The following NAALADL2 variants were observed in gnomAD, a reference collection of about 807,000 sequenced individuals.
The protein encoded by NAALADL2 is N-acetylated alpha-linked acidic dipeptidase like 2.
Under a neutral mutation model 87.2 loss-of-function variants are expected in NAALADL2, and 76 were observed. The observed-to-expected ratio is 0.87, with a 90% CI of 0.72 to 1.05. NAALADL2 has a LOEUF of 1.05. NAALADL2 is among the 50% of genes least tolerant of loss of function. The pLI is 0.00. For synonymous variants in NAALADL2, 354 were observed against 331.0 expected, an observed-to-expected ratio of 1.07 and a Z score of -0.75; for missense variants, 1,089 against 945.8, an observed-to-expected ratio of 1.15 and a Z score of -1.99.
At chr3:175,780,421 T>C (rs1750889363) in intron 13 of NAALADL2, among the ~76,000 whole-genome samples, 1 of 152,156 alleles carries the variant, frequency 6.6e-6, no homozygotes, top group Admixed American at 6.5e-5. Context: ...TATACATGTA[T>C]TTTTACATAA....
chr3:175,762,953 G>A (rs1160052174), intron 13 of NAALADL2, among the ~76,000 whole-genome samples: 1 of 151,994 alleles, frequency 6.6e-6, no homozygotes, highest in African/African-American at 2.4e-5. Flanking sequence ...GCGTGGTGGC[G>A]GGCGCCTGTA....
chr3:175,327,148 CT>C (rs35198621), intron 5 of NAALADL2, among the ~76,000 whole-genome samples: 18,296 of 98,780 alleles, frequency 0.19, 1,263 homozygotes, highest in East Asian at 0.37. Flanking sequence ...GTCTACATTT[CT>C]TTTTTTTTTT....
At chr3:175,233,263 T>TATA (rs1182577389) in intron 2 of NAALADL2, among the ~76,000 whole-genome samples, 6 of 152,164 alleles carry the variant, frequency 3.9e-5, no homozygotes, top group African/African-American at 1.4e-4. Flanking sequence ...TCACCTTAAC[T>TATA]ATAACAAAGA....
intron 2 of NAALADL2, among the ~76,000 whole-genome samples, chr3:174,574,702 C>T (rs1444555137): frequency 6.6e-6 from 1 of 152,008 alleles, no homozygotes; most frequent in Non-Finnish European, 1.5e-5. Flanking sequence ...CTTCTTCAGT[C>T]GATATTCCCT....
At chr3:175,080,167 G>T (rs374261970) in intron 1 of NAALADL2, among the ~76,000 whole-genome samples, 1 of 151,992 alleles carries the variant, frequency 6.6e-6, no homozygotes, top group African/African-American at 2.4e-5. Flanking sequence ...GGTTTTCACC[G>T]TGTTAGCCAG....
intron 1 of NAALADL2, among the ~76,000 whole-genome samples, chr3:175,042,128 T>C (rs1580157758): frequency 6.6e-6 from 1 of 152,222 alleles, no homozygotes; most frequent in East Asian, 1.9e-4. Flanking sequence ...TTGCTTCTGA[T>C]TTAGACTTTT....
At chr3:174,641,535 G>T (rs969531224) in intron 2 of NAALADL2, among the ~76,000 whole-genome samples, 3 of 152,126 alleles carry the variant, frequency 2.0e-5, no homozygotes, top group Admixed American at 1.3e-4. Flanking sequence ...TGCCCTCAAG[G>T]CTGCAAGGAG....
At chr3:174,708,016 C>T (rs1235491425) in intron 2 of NAALADL2, among the ~76,000 whole-genome samples, 3 of 152,072 alleles carry the variant, frequency 2.0e-5, no homozygotes, top group African/African-American at 7.2e-5. Context: ...CTTTCTTTTA[C>T]TTCAATACAA....
At chr3:175,278,653 A>T (rs1753894599) in intron 4 of NAALADL2, among the ~76,000 whole-genome samples, 1 of 152,150 alleles carries the variant, frequency 6.6e-6, no homozygotes, top group South Asian at 2.1e-4. Context: ...ACCAGTTGGC[A>T]TACTTATGTG....
At chr3:174,899,067 A>G (rs1731984966) in intron 1 of NAALADL2, among the ~76,000 whole-genome samples, 1 of 152,210 alleles carries the variant, frequency 6.6e-6, no homozygotes, top group Admixed American at 6.5e-5. Context: ...TTCCTGAAGT[A>G]TCATGAAGTG....
At chr3:175,509,758 A>G (rs1351817105) in intron 9 of NAALADL2, among the ~76,000 whole-genome samples, 1 of 152,186 alleles carries the variant, frequency 6.6e-6, no homozygotes, top group African/African-American at 2.4e-5. Flanking sequence ...GGTTTAATTG[A>G]CCCAGAGTGG....
At chr3:175,457,439 T>C (rs962443457) in intron 6 of NAALADL2, among the ~76,000 whole-genome samples, 12 of 152,126 alleles carry the variant, frequency 7.9e-5, no homozygotes, top group Admixed American at 6.6e-4. Context: ...CCCAAACCAC[T>C]GCTACCTTTA....
intron 13 of NAALADL2, among the ~76,000 whole-genome samples, chr3:175,802,355 G>A (rs1283241025): frequency 2.6e-5 from 4 of 151,256 alleles, no homozygotes; most frequent in Non-Finnish European, 5.9e-5. Flanking sequence ...GCTCTGTTAT[G>A]GATATTTTGT....
chr3:175,510,480 T>A (rs1731007857), intron 9 of NAALADL2, among the ~76,000 whole-genome samples: 1 of 152,172 alleles, frequency 6.6e-6, no homozygotes, highest in Admixed American at 6.5e-5. Flanking sequence ...CATGATTAGA[T>A]CTGCAAGTCT....
At position 175,610,201 on chromosome 3, in the gene NAALADL2, G is replaced by A. The variant is rs11919177; in HGVS notation, c.1801-17090G>A. Among the ~76,000 whole-genome samples, 915 of 152,224 alleles carry A rather than the reference G, an allele frequency of 6.0e-3. 6 individuals carry two copies. The highest frequency in any genetic ancestry group is 0.021 in the African/African-American group (858 of 41,536). Reference sequence around the variant, plus strand: ...AGGAAAACATAGAGGATCACCCTATGTAAGTAGATTTTTCTAGCTTTCTTA... The same window carrying A: ...AGGAAAACATAGAGGATCACCCTATATAAGTAGATTTTTCTAGCTTTCTTA... On this transcript the variant is annotated intron_variant, in intron 10 of 13. Coordinates refer to ENST00000454872, the MANE Select transcript of NAALADL2 (RefSeq NM_207015.3).
chr3:175,327,449 C>A (rs1760877586), intron 5 of NAALADL2, among the ~76,000 whole-genome samples: 1 of 152,172 alleles, frequency 6.6e-6, no homozygotes, highest in Non-Finnish European at 1.5e-5. Flanking sequence ...GCCACCGCAC[C>A]CTGCCTCAAC....
intron 1 of NAALADL2, among the ~76,000 whole-genome samples, chr3:175,025,538 T>A: frequency 6.6e-6 from 1 of 152,270 alleles, no homozygotes; most frequent in Non-Finnish European, 1.5e-5. Context: ...AGTGCAAAAT[T>A]TTGGCAACGG....
intron 1 of NAALADL2, chr3:175,059,375 G>C (rs1712944123): frequency 6.5e-6 from 1 of 153,072 alleles, no homozygotes; most frequent in Admixed American, 6.6e-5. Flanking sequence ...ATGGAAAGCA[G>C]CCATATCCAT....
chr3:174,699,954 C>A (rs977156212), intron 2 of NAALADL2, among the ~76,000 whole-genome samples: 10 of 150,084 alleles, frequency 6.7e-5, no homozygotes, highest in African/African-American at 2.5e-4. Context: ...CTGGGAAGGT[C>A]AGATTTAATT....
Sources: allele counts gnomAD v4.1 joint callset (sites outside exome capture counted in the v4.1 genomes callset), GRCh38; gene constraint gnomAD v4.1.1; transcripts MANE v1.5; gene names NCBI Gene and HGNC (gene_info 2026-07-23, HGNC 2026-07-21).